The following IQSEC1 variants were observed in gnomAD, a reference collection of about 807,000 sequenced individuals.
IQSEC1 encodes IQ motif and SEC7 domain-containing protein 1.
IQSEC1 carries 31 observed loss-of-function variants against 91.0 expected under a neutral mutation model. That is an observed-to-expected ratio of 0.34 (90% CI 0.26 to 0.46). The LOEUF (loss-of-function observed/expected upper bound fraction) is 0.46. IQSEC1 is among the 20% of genes least tolerant of loss of function. The pLI, the probability that IQSEC1 is intolerant of heterozygous loss-of-function variation, is 1.00. For synonymous variants in IQSEC1, 699 were observed against 662.6 expected (o/e 1.05, Z -0.84); for missense variants, 1,388 against 1,575.6 (o/e 0.88, Z 2.02).
chr3:13,242,988 T>C (rs1285777021), intron 1 of IQSEC1, among the ~76,000 whole-genome samples: 1 of 152,232 alleles, frequency 6.6e-6, no homozygotes, highest in Non-Finnish European at 1.5e-5. Context: ...AGGGGGTTGA[T>C]TGGAGAACTT....
exon 1 of IQSEC1, among the ~76,000 whole-genome samples, chr3:13,283,240 CGAG>C (rs986022493): frequency 6.7e-6 from 1 of 150,112 alleles, no homozygotes; most frequent in Admixed American, 6.6e-5. Flanking sequence ...AGCGGGCAGG[CGAG>C]GAGTTTTGCA....
chr3:13,009,969 C>A (rs965284576), intron 1 of IQSEC1, among the ~76,000 whole-genome samples: 9 of 152,228 alleles, frequency 5.9e-5, no homozygotes, highest in African/African-American at 2.2e-4. Flanking sequence ...AGATTCTGGG[C>A]TTCAGGTCAA....
intron 2 of IQSEC1, among the ~76,000 whole-genome samples, chr3:13,158,864 AG>A (rs1197555472): frequency 6.6e-6 from 1 of 152,084 alleles, no homozygotes; most frequent in East Asian, 1.9e-4. Context: ...CAGGAGGCTG[AG>A]GCACGAGAAT....
chr3:13,262,437 C>A (rs1345497829), intron 1 of IQSEC1, among the ~76,000 whole-genome samples: 1 of 152,202 alleles, frequency 6.6e-6, no homozygotes, highest in Non-Finnish European at 1.5e-5. Flanking sequence ...CATTCCACTG[C>A]CACAGTTTCC....
intron 1 of IQSEC1, among the ~76,000 whole-genome samples, chr3:13,191,112 T>C (rs1694022143): frequency 6.6e-6 from 1 of 152,202 alleles, no homozygotes; most frequent in Non-Finnish European, 1.5e-5. Flanking sequence ...TGTCACCCCA[T>C]GTTTTACATT....
At position 12,924,700 on chromosome 3, in the gene IQSEC1, A is replaced by C; in HGVS notation, c.1611T>G (p.Phe537Leu). The C allele has an allele frequency of 6.2e-7, 1 of 1,607,118 alleles. No homozygotes were observed. Residue 537 changes from phenylalanine to leucine, a missense_variant, in exon 4 of 14, where the codon TTT becomes TTG. This residue lies in a region of IQSEC1 where 1,059 missense variants were observed against 1,317.8 expected (regional missense o/e 0.80). Transcript: ENST00000613206. The surrounding 1 kb of genome is among the most constrained non-coding windows in gnomAD (Gnocchi z 6.3). ...CCACCCCGACGGGCGTGTCGGGCAC[A>C]AAGCCACGCTCGATGAGGTACTGGA... ...KGVQYLIERG[F>L]VPDTPVGVAH... is the part of the protein sequence containing the mutation.
At chr3:13,200,118 C>T (rs1489542598) in intron 1 of IQSEC1, among the ~76,000 whole-genome samples, 1 of 149,844 alleles carries the variant, frequency 6.7e-6, no homozygotes, top group Non-Finnish European at 1.5e-5. Context: ...CACACACATA[C>T]ACCACAGACT....
chr3:13,045,866 G>A (rs1244956001), intron 1 of IQSEC1, among the ~76,000 whole-genome samples: 1 of 152,254 alleles, frequency 6.6e-6, no homozygotes, highest in East Asian at 1.9e-4. Context: ...ATCCCATCAG[G>A]GGTGAGAGTG....
At chr3:13,071,143 G>GTTTTTTTT (rs1553563495) in intron 1 of IQSEC1, among the ~76,000 whole-genome samples, 6 of 112,728 alleles carry the variant, frequency 5.3e-5, no homozygotes, top group East Asian at 6.1e-4. Context: ...GACCCACACA[G>GTTTTTTTT]TTTTTTTTTG....
intron 1 of IQSEC1, among the ~76,000 whole-genome samples, chr3:13,200,546 G>C (rs1346797773): frequency 6.6e-6 from 1 of 152,220 alleles, no homozygotes; most frequent in Non-Finnish European, 1.5e-5. Flanking sequence ...TAACGAGGTT[G>C]AGAAGGTGAA....
chr3:13,130,171 C>G (rs1706586969), intron 2 of IQSEC1, among the ~76,000 whole-genome samples: 1 of 150,656 alleles, frequency 6.6e-6, no homozygotes, highest in South Asian at 2.1e-4. Context: ...TGGTGAAACC[C>G]CGCCTCTACT....
Position 12,979,515 on chromosome 3 carries a change from C to T in IQSEC1, c.24-37650G>A, listed in dbSNP as rs1412401878. ...TGCACGCAGCACGCGCACACACACA[C>T]TCTAAGATGTCCCTGGACAGCGGTT... On this transcript the variant is annotated intron_variant, in intron 1 of 13. Coordinates refer to ENST00000613206, the MANE Select transcript of IQSEC1 (RefSeq NM_001134382.3). The surrounding 1 kb of genome is among the most constrained non-coding windows in gnomAD (Gnocchi z 4.3). Among the ~76,000 whole-genome samples the T allele has an allele frequency of 6.6e-6, 1 of 152,222 alleles. No homozygotes were observed. The highest frequency in any genetic ancestry group is 2.4e-5 in the African/African-American group (1 of 41,452).
rs180898843 is a variant in IQSEC1, at chr3:13,179,748, T to C, written c.273-15615A>G. Among the ~76,000 whole-genome samples, 434 of 152,028 alleles carry C rather than the reference T, an allele frequency of 2.9e-3. 1 individual carries two copies. Among genetic ancestry groups the C allele is most frequent in the African/African-American group, 9.0e-3 (371 of 41,446 alleles). On this transcript the variant is annotated intron_variant, in intron 1 of 15. Coordinates refer to the IQSEC1 transcript ENST00000648114. ...CCGGCTCCCTCAGCTTGCAGGGAGG[T>C]GTGGAGGGAGAGGTGCGGGCGGGAA...
intron 1 of IQSEC1, among the ~76,000 whole-genome samples, chr3:12,965,301 AG>A (rs538647647): frequency 2.0e-5 from 3 of 152,198 alleles, no homozygotes; most frequent in Non-Finnish European, 4.4e-5. Flanking sequence ...TTACAGACTA[AG>A]GGGGGTCCCC....
At position 12,979,539 on chromosome 3, in the gene IQSEC1, T is replaced by C. The variant is rs560615505; in HGVS notation, c.24-37674A>G. 4.9e-4 allele frequency among the ~76,000 whole-genome samples: 74 copies of C among 152,334 alleles called. No homozygotes were observed. Among genetic ancestry groups the C allele is most frequent in the Middle Eastern group, 6.8e-3 (2 of 294 alleles). Reference sequence around the variant, plus strand: ...ACTCTAAGATGTCCCTGGACAGCGGTTGTCTCTGGGGAGGGGAATGGGACG... The same window carrying C: ...ACTCTAAGATGTCCCTGGACAGCGGCTGTCTCTGGGGAGGGGAATGGGACG... On this transcript the variant is annotated intron_variant, in intron 1 of 13. Transcript: ENST00000613206. This position sits in a 1 kb window ranked among gnomAD's most constrained non-coding sequence, Gnocchi z 4.3.
At chr3:13,267,354 A>C (rs1419126310) in intron 1 of IQSEC1, among the ~76,000 whole-genome samples, 1 of 152,238 alleles carries the variant, frequency 6.6e-6, no homozygotes, top group East Asian at 1.9e-4. Flanking sequence ...TGGCAGCCTG[A>C]ACAGCCGAGG....
At chr3:12,956,088 ACAGT>A (rs917755562) in intron 1 of IQSEC1, among the ~76,000 whole-genome samples, 11 of 152,182 alleles carry the variant, frequency 7.2e-5, no homozygotes, top group African/African-American at 2.7e-4. Context: ...CCACTTGATA[ACAGT>A]CAGACAAAGC....
chr3:13,168,339 T>C (rs1326218101), intron 1 of IQSEC1, among the ~76,000 whole-genome samples: 3 of 152,232 alleles, frequency 2.0e-5, no homozygotes, highest in Non-Finnish European at 4.4e-5. Flanking sequence ...CGCTATCACA[T>C]TTTTGCATGT....
chr3:13,013,097 AT>A (rs35815107), intron 1 of IQSEC1, among the ~76,000 whole-genome samples: 20,961 of 151,442 alleles, frequency 0.14, 1,737 homozygotes, highest in East Asian at 0.25. Flanking sequence ...AGTAGCTGGG[AT>A]TACCGGCATG....
Sources: allele counts gnomAD v4.1 joint callset (sites outside exome capture counted in the v4.1 genomes callset), GRCh38; gene constraint gnomAD v4.1.1; regional missense constraint gnomAD v4.1.1; non-coding constraint Gnocchi (gnomAD v3.1); transcripts MANE v1.5; gene names NCBI Gene and HGNC (gene_info 2026-07-23, HGNC 2026-07-21).